The following MTERF4 variants were observed in gnomAD, a reference collection of about 807,000 sequenced individuals.
MTERF4 encodes the protein transcription termination factor 4, mitochondrial.
Under a neutral mutation model 22.5 loss-of-function variants are expected in MTERF4, and 17 were observed. The ratio of observed to expected loss-of-function variants is 0.75; its 90% CI spans 0.52 to 1.13. The LOEUF (loss-of-function observed/expected upper bound fraction) is 1.13. Ranked by LOEUF, MTERF4 falls within the 50% of genes most tolerant of loss-of-function variation. The pLI, the probability that MTERF4 is intolerant of heterozygous loss-of-function variation, is 0.00. For missense variants in MTERF4, 420 were observed against 466.8 expected (o/e 0.90, Z 0.92); for synonymous variants, 165 against 175.3 (o/e 0.94, Z 0.47).
chr2:241,081,640 G>T (rs1012936423), intron 4 of MTERF4: 2 of 1,471,056 alleles, frequency 1.4e-6, no homozygotes, highest in Middle Eastern at 1.7e-4. Flanking sequence ...CTGTCCTGGG[G>T]TTCCAGTGAC....
downstream of MTERF4, chr2:241,069,771 C>A: frequency 1.1e-6 from 1 of 904,590 alleles, no homozygotes; most frequent in Non-Finnish European, 1.6e-6. This position sits in a 1 kb window ranked among gnomAD's most constrained non-coding sequence, Gnocchi z 4.9. Context: ...TGCCAGCCCA[C>A]ACCCCGCCTC....
downstream of MTERF4, chr2:241,088,604 G>A: frequency 1.7e-6 from 1 of 583,362 alleles, no homozygotes; most frequent in East Asian, 2.9e-5. Context: ...ACCTGGTCTA[G>A]CCACTGACAA....
chr2:241,065,395 T>C, the MTERF4 span: 23 of 1,613,114 alleles, frequency 1.4e-5, no homozygotes, highest in Non-Finnish European at 1.9e-5. Context: ...GCCAGGCAGA[T>C]GCTTGATGGC....
At chr2:241,063,924 T>C in the MTERF4 span, 1 of 1,040,798 alleles carries the variant, frequency 9.6e-7, no homozygotes, top group Non-Finnish European at 1.4e-6. Flanking sequence ...GCCCCTAGAC[T>C]CCTCCTTTCC....
intron 4 of MTERF4, among the ~76,000 whole-genome samples, chr2:241,079,503 CCT>C (rs2063222584): frequency 6.6e-6 from 1 of 151,604 alleles, no homozygotes; most frequent in South Asian, 2.1e-4. Flanking sequence ...CAAATTTTGT[CCT>C]CATTTTAATA....
chr2:241,093,973 T>C (rs573088482), downstream of MTERF4: 11 of 194,966 alleles, frequency 5.6e-5, no homozygotes, highest in African/African-American at 2.6e-4. Flanking sequence ...GGACTGATCA[T>C]CTAACCAAGT....
chr2:241,092,039 A>C (rs1417279619), downstream of MTERF4: 3 of 152,414 alleles, frequency 2.0e-5, no homozygotes, highest in East Asian at 5.8e-4. The surrounding 1 kb of genome is among the most constrained non-coding windows in gnomAD (Gnocchi z 4.6). Context: ...CCAGAGAAAG[A>C]ATTCTCCCTT....
downstream of MTERF4, among the ~76,000 whole-genome samples, chr2:241,085,713 GTTTTC>G (rs973837344): frequency 2.7e-5 from 4 of 150,800 alleles, no homozygotes; most frequent in African/African-American, 5.0e-5. Context: ...TTGTTTGTTT[GTTTTC>G]TTTTCAAGAA....
chr2:241,081,786 C>T (rs778725955), intron 4 of MTERF4: 17 of 1,584,692 alleles, frequency 1.1e-5, no homozygotes, highest in East Asian at 4.6e-5. Context: ...GCAGACGCTG[C>T]GAGCTCGGTA....
intron 4 of MTERF4, chr2:241,081,771 C>A: frequency 6.3e-7 from 1 of 1,596,790 alleles, no homozygotes; most frequent in Non-Finnish European, 8.5e-7. Flanking sequence ...GGCCAGGGTT[C>A]AAAGGCAGAC....
chr2:241,099,083 T>TA, intron 2 of MTERF4: 1 of 109,040 alleles, frequency 9.2e-6, no homozygotes, highest in East Asian at 4.6e-4. Context: ...TATAAAATCT[T>TA]TTTTTTTTTT....
At chr2:241,062,207 C>T in the MTERF4 span, among the ~76,000 whole-genome samples, 1 of 152,280 alleles carries the variant, frequency 6.6e-6, no homozygotes, top group South Asian at 2.1e-4. Flanking sequence ...AGATTCTTAT[C>T]GCAAGGGAAG....
chr2:241,047,146 CAAAAAAAAAA>C, the MTERF4 span, among the ~76,000 whole-genome samples: 4 of 68,178 alleles, frequency 5.9e-5, no homozygotes, highest in South Asian at 1.4e-3. Flanking sequence ...GAGACTCTGT[CAAAAAAAAAA>C]AAAAAAAAAA....
At chr2:241,050,829 G>GA in the MTERF4 span, among the ~76,000 whole-genome samples, 20 of 120,598 alleles carry the variant, frequency 1.7e-4, no homozygotes, top group African/African-American at 7.9e-4. Flanking sequence ...CTGTACCCAA[G>GA]GTGGGGGTCC....
At chr2:241,081,627 G>A in intron 4 of MTERF4, 2 of 1,345,694 alleles carry the variant, frequency 1.5e-6, no homozygotes, top group Non-Finnish European at 2.1e-6. Context: ...CCATGAGGCA[G>A]GCCTGTCCTG....
At chr2:241,071,847 C>T (rs1363605202), downstream of MTERF4, 1 of 1,605,392 alleles carries the variant, frequency 6.2e-7, no homozygotes, top group East Asian at 2.2e-5. Flanking sequence ...GGTTCGGTGG[C>T]TCACCCAGCA....
Position 241,075,487 on chromosome 2 carries a change from G to C in MTERF4, n.675C>G, listed in dbSNP as rs2062976309. On this transcript the variant is annotated non_coding_transcript_exon_variant, in exon 5 of 5. Coordinates refer to the MTERF4 transcript ENST00000464344. The surrounding 1 kb of genome is among the most constrained non-coding windows in gnomAD (Gnocchi z 4.8). ...CTGATGTGACTGCGCCTCTCCTCATGGGCATCCACCAAAGGTGTTTGCTTC... is the reference window on the plus strand; with the variant it reads ...CTGATGTGACTGCGCCTCTCCTCATCGGCATCCACCAAAGGTGTTTGCTTC... The C allele has an allele frequency of 6.6e-6, 1 of 152,168 alleles. No homozygotes were observed. The highest frequency in any genetic ancestry group is 2.1e-4 in the South Asian group (1 of 4,826). The allele number at this position is 152,168 out of a possible 1,614,324, so 9.4% of individuals were successfully genotyped here.
At chr2:241,069,811 T>G, downstream of MTERF4, 1 of 1,277,732 alleles carries the variant, frequency 7.8e-7, no homozygotes, top group Non-Finnish European at 1.1e-6. The surrounding 1 kb of genome is among the most constrained non-coding windows in gnomAD (Gnocchi z 4.9). Flanking sequence ...TAATAAAGAA[T>G]CTGGCTTCCA....
At position 241,075,635 on chromosome 2, in the gene MTERF4, T is replaced by A. The variant is rs2062984841; in HGVS notation, n.527A>T. ...TTGTCAGGTCTGTGTTCTGCAGGTA[T>A]CTTCCTCCAGCCTCTGGCTTGTCCT... On this transcript the variant is annotated non_coding_transcript_exon_variant, in exon 5 of 5. Coordinates refer to the MTERF4 transcript ENST00000464344. This position sits in a 1 kb window ranked among gnomAD's most constrained non-coding sequence, Gnocchi z 4.8. The A allele has an allele frequency of 6.6e-6, 1 of 152,210 alleles. No homozygotes were observed. Among genetic ancestry groups the A allele is most frequent in the African/African-American group, 2.4e-5 (1 of 41,452 alleles). The allele number at this position is 152,210 out of a possible 1,614,324, so 9.4% of individuals were successfully genotyped here. A position where few individuals can be genotyped will look rare whatever the true frequency, so the allele number is the denominator to read the frequency against.
Sources: allele counts gnomAD v4.1 joint callset (sites outside exome capture counted in the v4.1 genomes callset), GRCh38; gene constraint gnomAD v4.1.1; non-coding constraint Gnocchi (gnomAD v3.1); transcripts MANE v1.5; gene names NCBI Gene and HGNC (gene_info 2026-07-23, HGNC 2026-07-21).